NHS: variants seen among roughly 807,000 people sequenced by gnomAD.
The protein encoded by NHS is actin remodeling regulator NHS.
Under a neutral mutation model 72.5 loss-of-function variants are expected in NHS, and 5 were observed. That is an observed-to-expected ratio of 0.07 (90% confidence interval 0.04 to 0.14). The LOEUF (loss-of-function observed/expected upper bound fraction) is 0.14. Among genes scored for constraint, NHS ranks in the 10% least tolerant of loss-of-function variants. The pLI is 1.00. For missense variants in NHS, 1,072 were observed against 1,355.7 expected (o/e 0.79, Z 3.29); for synonymous variants, 464 against 547.7 (o/e 0.85, Z 2.13).
intron 1 of NHS, among the ~76,000 whole-genome samples, chrX:17,417,091 T>TACACACAC (rs753132773): frequency 2.0e-3 from 195 of 98,025 alleles, no homozygotes; most frequent in African/African-American, 7.0e-3. Flanking sequence ...GAAAACAGAA[T>TACACACAC]ACACACACAC....
intron 1 of NHS, among the ~76,000 whole-genome samples, chrX:17,420,278 G>A (rs1341742541): frequency 1.8e-5 from 2 of 111,504 alleles, no homozygotes; most frequent in East Asian, 5.6e-4. Flanking sequence ...CCATTAACCT[G>A]ACTTCCATCT....
intron 3 of NHS, among the ~76,000 whole-genome samples, chrX:17,709,321 G>C (rs918553428): frequency 2.7e-5 from 3 of 111,569 alleles, no homozygotes; most frequent in Non-Finnish European, 1.9e-5. Flanking sequence ...TTGCTTTTGA[G>C]ATCATGTCAG....
At chrX:17,721,696 C>CA (rs1281995511) in intron 5 of NHS, 63 bp downstream of exon 5, 1 of 1,000,094 alleles carries the variant, frequency 1.0e-6, no homozygotes, top group African/African-American at 1.9e-5. Context: ...TAAATATGTT[C>CA]AAAATCTGTG....
At chrX:17,602,678 C>A (rs1332475316) in intron 1 of NHS, among the ~76,000 whole-genome samples, 1 of 109,358 alleles carries the variant, frequency 9.1e-6, no homozygotes, top group Non-Finnish European at 1.9e-5. Flanking sequence ...AGCAAGTTAA[C>A]TTTGACTTTT....
Position 17,375,288 on chromosome X carries a change from G to C in NHS, c.-470G>C. On this transcript the variant is annotated 5_prime_UTR_variant, in exon 1 of 9. Transcript: ENST00000676302. ...CCCCGGAGCGGCCGAGGGGCGCGCG[G>C]GGAGAGGCCTGCGCCGGGGTACTTT... The C allele has an allele frequency of 3.4e-6, 1 of 295,145 alleles. No homozygotes were observed. Among genetic ancestry groups the C allele is most frequent in the African/African-American group, 2.7e-5 (1 of 37,110 alleles). The allele number at this position is 295,145 out of a possible 1,213,427, so 24.3% of individuals were successfully genotyped here. A position where few individuals can be genotyped will look rare whatever the true frequency, so the allele number is the denominator to read the frequency against.
At chrX:17,647,820 C>T (rs2065912844) in intron 1 of NHS, among the ~76,000 whole-genome samples, 1 of 111,672 alleles carries the variant, frequency 9.0e-6, no homozygotes, top group South Asian at 3.7e-4. Flanking sequence ...CCATATCACC[C>T]AAAATCAAGC....
intron 4 of NHS, among the ~76,000 whole-genome samples, chrX:17,719,775 G>A (rs1020295003): frequency 6.3e-5 from 7 of 111,591 alleles, no homozygotes; most frequent in African/African-American, 2.3e-4. Context: ...GCAGCCAATC[G>A]TCCTGTCACC....
At chrX:17,640,123 A>G (rs964735658) in intron 1 of NHS, among the ~76,000 whole-genome samples, 1 of 111,882 alleles carries the variant, frequency 8.9e-6, no homozygotes, top group African/African-American at 3.3e-5. Flanking sequence ...GTAATCTGCT[A>G]TCCACACTCT....
chrX:17,481,510 G>T (rs1297938201), intron 1 of NHS, among the ~76,000 whole-genome samples: 2 of 111,630 alleles, frequency 1.8e-5, no homozygotes, highest in African/African-American at 6.5e-5. Context: ...ACTGAGTAGA[G>T]TATGTTTTCC....
intron 3 of NHS, among the ~76,000 whole-genome samples, chrX:17,693,121 C>T (rs181722035): frequency 8.9e-6 from 1 of 112,623 alleles, no homozygotes; most frequent in Admixed American, 9.4e-5. Flanking sequence ...ACCATGGTGA[C>T]GTCATCGCCT....
At chrX:17,436,144 GTTGT>G (rs769747908) in intron 1 of NHS, among the ~76,000 whole-genome samples, 12 of 111,845 alleles carry the variant, frequency 1.1e-4, no homozygotes, top group Middle Eastern at 4.7e-3. Context: ...TTTTGTTGTT[GTTGT>G]TTGTTTGTTT....
At chrX:17,516,842 C>G (rs939884046) in intron 1 of NHS, among the ~76,000 whole-genome samples, 1 of 112,195 alleles carries the variant, frequency 8.9e-6, no homozygotes, top group Non-Finnish European at 1.9e-5. Context: ...GATCTACAGC[C>G]TTAAAAGCAA....
At chrX:17,509,043 G>A (rs2065072969) in intron 1 of NHS, among the ~76,000 whole-genome samples, 1 of 110,828 alleles carries the variant, frequency 9.0e-6, no homozygotes, top group Non-Finnish European at 1.9e-5. Context: ...CCCTCTTAGG[G>A]AACTAGCTTA....
At chrX:17,640,822 A>T (rs969348170) in intron 1 of NHS, among the ~76,000 whole-genome samples, 6 of 112,552 alleles carry the variant, frequency 5.3e-5, no homozygotes, top group African/African-American at 1.9e-4. Flanking sequence ...GGCCAGGGGC[A>T]CACATCAACA....
At chrX:17,485,091 A>T (rs1412965296) in intron 1 of NHS, among the ~76,000 whole-genome samples, 1 of 111,537 alleles carries the variant, frequency 9.0e-6, no homozygotes, top group Non-Finnish European at 1.9e-5. Flanking sequence ...GCATGATAGA[A>T]AGTAAAAGCT....
At chrX:17,519,528 C>G (rs2065137338) in intron 1 of NHS, among the ~76,000 whole-genome samples, 1 of 112,195 alleles carries the variant, frequency 8.9e-6, no homozygotes, top group Admixed American at 9.4e-5. Context: ...GGGCCTTACA[C>G]AACAAGGAGG....
chrX:17,546,946 A>G (rs1266061971), intron 1 of NHS, among the ~76,000 whole-genome samples: 2 of 112,261 alleles, frequency 1.8e-5, no homozygotes, highest in African/African-American at 6.5e-5. Flanking sequence ...TTGACTCAAC[A>G]GAATGAGAAA....
intron 1 of NHS, among the ~76,000 whole-genome samples, chrX:17,456,341 C>T (rs1285623049): frequency 1.8e-5 from 2 of 111,312 alleles, no homozygotes; most frequent in East Asian, 2.8e-4. Context: ...GTGAGGCCTC[C>T]GAGCCAGTTT....
chrX:17,389,870 G>C (rs1487985187), intron 1 of NHS, among the ~76,000 whole-genome samples: 1 of 110,414 alleles, frequency 9.1e-6, no homozygotes, highest in Non-Finnish European at 1.9e-5. Flanking sequence ...CCAAAGTGCT[G>C]GGATTACAGG....
Sources: allele counts gnomAD v4.1 joint callset (sites outside exome capture counted in the v4.1 genomes callset), GRCh38; gene constraint gnomAD v4.1.1; transcripts MANE v1.5; gene names NCBI Gene and HGNC (gene_info 2026-07-23, HGNC 2026-07-21).